KCNH7: variants seen among roughly 807,000 people sequenced by gnomAD.
KCNH7 encodes the protein potassium voltage-gated channel subfamily H member 7, also known as voltage-gated inwardly rectifying potassium channel KCNH7.
Under a neutral mutation model 120.8 loss-of-function variants are expected in KCNH7, and 49 were observed. That is an observed-to-expected ratio of 0.41 (90% confidence interval 0.32 to 0.51). KCNH7 has a LOEUF of 0.51. KCNH7 is among the 20% of genes least tolerant of loss of function. The pLI is 0.38. For synonymous variants in KCNH7, 547 were observed against 516.1 expected (o/e 1.06, Z -0.81); for missense variants, 1,097 against 1,446.6 (o/e 0.76, Z 3.92).
At chr2:162,791,298 T>G (rs1344132203) in intron 2 of KCNH7, among the ~76,000 whole-genome samples, 3 of 151,940 alleles carry the variant, frequency 2.0e-5, no homozygotes, top group Admixed American at 6.6e-5. Context: ...TAAAAATAGG[T>G]TTTTTTTCCT....
intron 2 of KCNH7, among the ~76,000 whole-genome samples, chr2:162,566,412 T>A (rs1693258513): frequency 6.6e-6 from 1 of 151,912 alleles, no homozygotes; most frequent in South Asian, 2.1e-4. Context: ...TTTATAACAA[T>A]GTTAGAATGA....
At chr2:162,543,590 C>A (rs902607573) in intron 2 of KCNH7, among the ~76,000 whole-genome samples, 1 of 152,040 alleles carries the variant, frequency 6.6e-6, no homozygotes, top group Non-Finnish European at 1.5e-5. Flanking sequence ...CAATTTTAAA[C>A]ACTCAGAGAA....
intron 4 of KCNH7, among the ~76,000 whole-genome samples, chr2:162,513,785 G>A (rs1691192490): frequency 6.6e-6 from 1 of 151,722 alleles, no homozygotes; most frequent in Non-Finnish European, 1.5e-5. Flanking sequence ...ATTGCAAGAA[G>A]TAAATGAAAG....
intron 6 of KCNH7, among the ~76,000 whole-genome samples, chr2:162,458,321 A>G (rs1689039547): frequency 6.6e-6 from 1 of 152,198 alleles, no homozygotes; most frequent in African/African-American, 2.4e-5. Flanking sequence ...AATATTTACA[A>G]ATTACTTCAA....
At chr2:162,574,292 C>T (rs1559023423) in intron 2 of KCNH7, among the ~76,000 whole-genome samples, 1 of 151,896 alleles carries the variant, frequency 6.6e-6, no homozygotes, top group African/African-American at 2.4e-5. Context: ...TTTTCATTAG[C>T]CATTCTTCAA....
At chr2:162,505,265 T>C (rs1690831023) in intron 5 of KCNH7, among the ~76,000 whole-genome samples, 2 of 151,944 alleles carry the variant, frequency 1.3e-5, no homozygotes, top group Admixed American at 1.3e-4. Flanking sequence ...TGTGAATGTG[T>C]GTACTCTATT....
intron 2 of KCNH7, among the ~76,000 whole-genome samples, chr2:162,632,710 AT>A (rs1388897611): frequency 2.1e-4 from 32 of 151,980 alleles, no homozygotes; most frequent in Non-Finnish European, 4.0e-4. Context: ...TATATGTTGA[AT>A]AAGCTTTATT....
chr2:162,743,206 A>C (rs1263578870), intron 2 of KCNH7, among the ~76,000 whole-genome samples: 1 of 152,210 alleles, frequency 6.6e-6, no homozygotes, highest in Non-Finnish European at 1.5e-5. Flanking sequence ...TGGCAAGTGG[A>C]ACTGAATGGC....
intron 2 of KCNH7, among the ~76,000 whole-genome samples, chr2:162,594,267 A>G (rs566403894): frequency 6.6e-6 from 1 of 152,036 alleles, no homozygotes; most frequent in African/African-American, 2.4e-5. Flanking sequence ...GCTTCATACA[A>G]TTGCTTTAAC....
intron 6 of KCNH7, among the ~76,000 whole-genome samples, chr2:162,479,957 T>C (rs1368779857): frequency 6.6e-6 from 1 of 152,132 alleles, no homozygotes; most frequent in Non-Finnish European, 1.5e-5. Flanking sequence ...TAGATTTCAT[T>C]TGAAGGTATT....
chr2:162,538,324 A>G (rs1692182289), intron 2 of KCNH7, among the ~76,000 whole-genome samples: 1 of 152,080 alleles, frequency 6.6e-6, no homozygotes, highest in South Asian at 2.1e-4. Flanking sequence ...GGAAACCAAA[A>G]GATCGGACCC....
chr2:162,560,958 T>A (rs1288223213), intron 2 of KCNH7, among the ~76,000 whole-genome samples: 1 of 152,278 alleles, frequency 6.6e-6, no homozygotes, highest in East Asian at 1.9e-4. Flanking sequence ...TATGTTAGTG[T>A]CCACAAGGGT....
chr2:162,405,591 T>C (rs74695988), intron 9 of KCNH7, among the ~76,000 whole-genome samples: 32 of 152,006 alleles, frequency 2.1e-4, no homozygotes, highest in Non-Finnish European at 4.4e-4. Flanking sequence ...ATAATATTGT[T>C]AATATTCATA....
intron 2 of KCNH7, among the ~76,000 whole-genome samples, chr2:162,731,210 G>A (rs1019670713): frequency 1.5e-5 from 2 of 134,978 alleles, no homozygotes; most frequent in Non-Finnish European, 3.1e-5. Context: ...TTCATGTCCT[G>A]CATACATACA....
Position 162,768,246 on chromosome 2 carries a change from G to A in KCNH7, c.307+68291C>T, listed in dbSNP as rs967000717. On this transcript the variant is annotated intron_variant, in intron 2 of 15. Coordinates refer to ENST00000332142, the MANE Select transcript of KCNH7 (RefSeq NM_033272.4). ...GCTGACTATCAAAGGACATAAAAAAGTAAGTGAAAGATGTTATTGATTAAT... is the reference window on the plus strand; with the variant it reads ...GCTGACTATCAAAGGACATAAAAAAATAAGTGAAAGATGTTATTGATTAAT... 4.6e-5 allele frequency among the ~76,000 whole-genome samples: 7 copies of A among 152,322 alleles called. No homozygotes were observed. The East Asian group carries it at 1.3e-3, about 29-fold the overall frequency.
chr2:162,829,105 C>T (rs895401879), intron 2 of KCNH7, among the ~76,000 whole-genome samples: 1 of 152,026 alleles, frequency 6.6e-6, no homozygotes, highest in Non-Finnish European at 1.5e-5. Context: ...CCATGAGAAC[C>T]TGGAATTCTG....
intron 2 of KCNH7, among the ~76,000 whole-genome samples, chr2:162,709,728 T>TTG (rs1686851208): frequency 6.6e-6 from 1 of 152,172 alleles, no homozygotes; most frequent in Non-Finnish European, 1.5e-5. Flanking sequence ...TCAGAATTCC[T>TTG]TTCTCCTGAC....
chr2:162,491,765 C>T (rs1355937130), intron 6 of KCNH7, among the ~76,000 whole-genome samples: 1 of 152,092 alleles, frequency 6.6e-6, no homozygotes, highest in Non-Finnish European at 1.5e-5. Context: ...CAGGTATTTG[C>T]TAGGAAGAGA....
intron 6 of KCNH7, among the ~76,000 whole-genome samples, chr2:162,486,734 T>C (rs74562167): frequency 6.6e-6 from 1 of 152,128 alleles, no homozygotes; most frequent in Non-Finnish European, 1.5e-5. Flanking sequence ...AAAATGTATA[T>C]CCTAAAAAAT....
Sources: gnomAD v4.1 joint callset for allele counts (sites outside exome capture counted in the v4.1 genomes callset) on GRCh38, gnomAD v4.1.1 for gene constraint, MANE v1.5 for transcripts, NCBI Gene and HGNC (gene_info 2026-07-23, HGNC 2026-07-21) for gene names.